Variants in SDK1 observed in about 807,000 individuals in gnomAD.
The protein encoded by SDK1 is protein sidekick-1.
SDK1 carries 157 observed loss-of-function variants against 245.5 expected under a neutral mutation model. The observed-to-expected ratio is 0.64, with a 90% CI of 0.56 to 0.73. The LOEUF (loss-of-function observed/expected upper bound fraction) is 0.73. Ranked by LOEUF, SDK1 falls within the 30% of genes least tolerant of loss-of-function variation. The probability of loss-of-function intolerance (pLI) is 0.00; values close to 1 mark genes in which losing one functional copy is unlikely to be tolerated. For missense variants in SDK1, 3,583 were observed against 3,002.3 expected (o/e 1.19, Z -4.52); for synonymous variants, 1,647 against 1,278.5 (o/e 1.29, Z -6.15).
chr7:4,210,004 C>T (rs764342222), intron 37 of SDK1, 21 bp from the exon 38 acceptor site: 1 of 1,547,160 alleles, frequency 6.5e-7, no homozygotes, highest in Non-Finnish European at 8.7e-7. Context: ...GTAAAAGTCA[C>T]TTTGTGTTCT....
At chr7:3,503,751 G>C (rs192944797) in intron 1 of SDK1, among the ~76,000 whole-genome samples, 2 of 152,042 alleles carry the variant, frequency 1.3e-5, no homozygotes, top group Non-Finnish European at 2.9e-5. Flanking sequence ...ACTTTAAAAA[G>C]TTCAAGACTA....
intron 5 of SDK1, among the ~76,000 whole-genome samples, chr7:3,878,870 A>T (rs967557331): frequency 2.0e-5 from 3 of 152,226 alleles, no homozygotes; most frequent in Non-Finnish European, 4.4e-5. Flanking sequence ...ATGCATACAC[A>T]AAAGTATACA....
chr7:3,852,750 CAAAAA>C (rs35116493), intron 5 of SDK1, among the ~76,000 whole-genome samples: 2 of 28,160 alleles, frequency 7.1e-5, no homozygotes, highest in African/African-American at 2.5e-4. Flanking sequence ...GACTCCGTCT[CAAAAA>C]AAAAAAAAAA....
chr7:3,623,090 A>T (rs1486064513), intron 2 of SDK1, among the ~76,000 whole-genome samples: 1 of 152,058 alleles, frequency 6.6e-6, no homozygotes, highest in Non-Finnish European at 1.5e-5. Context: ...CCTTAACAGG[A>T]CCCTTATTTT....
At chr7:3,946,546 G>A (rs1227707299) in intron 5 of SDK1, among the ~76,000 whole-genome samples, 1 of 152,036 alleles carries the variant, frequency 6.6e-6, no homozygotes, top group East Asian at 1.9e-4. Context: ...CAAACTCTTG[G>A]GCTCAAGAGA....
chr7:4,121,935 A>G (rs2128194595), intron 25 of SDK1, among the ~76,000 whole-genome samples: 1 of 152,310 alleles, frequency 6.6e-6, no homozygotes, highest in Admixed American at 6.5e-5. Flanking sequence ...GTTTCCATCA[A>G]AAATTTTATA....
intron 32 of SDK1, among the ~76,000 whole-genome samples, chr7:4,170,152 G>T (rs1484445965): frequency 6.6e-6 from 1 of 152,170 alleles, no homozygotes; most frequent in Non-Finnish European, 1.5e-5. Flanking sequence ...TACAGAATAA[G>T]GGTTTTAATT....
At position 4,237,631 on chromosome 7, in the gene SDK1, C is replaced by T. The variant is rs774720818; in HGVS notation, c.5993-16C>T. Reference sequence around the variant, plus strand: ...CGTCTGCCCCATGTCATTGTGTGTCCGTGTCTTTTCCACAGCTCAAGTGGA... The same window carrying T: ...CGTCTGCCCCATGTCATTGTGTGTCTGTGTCTTTTCCACAGCTCAAGTGGA... On this transcript the variant is annotated splice_polypyrimidine_tract_variant and intron_variant, in intron 41 of 44. Coordinates refer to ENST00000404826, the MANE Select transcript of SDK1 (RefSeq NM_152744.4). The T allele has an allele frequency of 9.9e-6, 16 of 1,613,922 alleles. No individual in the cohort carries two copies. The highest frequency in any genetic ancestry group is 2.7e-5 in the African/African-American group (2 of 74,904).
chr7:3,485,634 G>A lies in SDK1; in HGVS notation c.299-133446G>A, dbSNP rs1391343384. Reference sequence around the variant, plus strand: ...CTGTTATGAAAATGCTTTCTTGTATGGATAGTTGTTCATTTTGATGTTTGT... The same window carrying A: ...CTGTTATGAAAATGCTTTCTTGTATAGATAGTTGTTCATTTTGATGTTTGT... On this transcript the variant is annotated intron_variant, in intron 1 of 44. Transcript: ENST00000404826. Among the ~76,000 whole-genome samples the A allele has an allele frequency of 1.5e-4, 19 of 123,202 alleles. No individual in the cohort carries two copies. The Admixed American group carries it at 1.7e-3, about 11-fold the overall frequency. 80.8% of individuals were successfully genotyped at this position (123,202 alleles called of 152,430 possible).
chr7:3,836,524 G>T (rs1022449763), intron 5 of SDK1, among the ~76,000 whole-genome samples: 2 of 152,098 alleles, frequency 1.3e-5, no homozygotes, highest in Admixed American at 6.6e-5. Flanking sequence ...AGCTTTGGTT[G>T]GTGGAAACAA....
At chr7:3,430,719 T>C (rs1779818940) in intron 1 of SDK1, among the ~76,000 whole-genome samples, 1 of 152,166 alleles carries the variant, frequency 6.6e-6, no homozygotes, top group Non-Finnish European at 1.5e-5. Context: ...CCGTGGCTTG[T>C]TAGGAATCTA....
At chr7:3,993,920 C>T (rs771401391) in intron 14 of SDK1, among the ~76,000 whole-genome samples, 12 of 152,210 alleles carry the variant, frequency 7.9e-5, no homozygotes, top group Non-Finnish European at 1.5e-4. Context: ...CTCAGCTTCT[C>T]TGCAAGCAAT....
rs1780720897 is a variant in SDK1 at position 3,862,586 on chromosome 7, A to G, written c.847+41003A>G. 2.0e-5 allele frequency among the ~76,000 whole-genome samples: 3 copies of G among 152,190 alleles called. No individual in the cohort carries two copies. The East Asian group carries it at 5.8e-4, about 29-fold the overall frequency. On this transcript the variant is annotated intron_variant, in intron 5 of 44. Transcript: ENST00000404826. ...TGAGTTGGAAAAAGTGGTTATCTGA[A>G]TTATTTGTTAGGCAAAGCTTGAATA... is the stretch of plus-strand genomic sequence containing the variant.
At chr7:4,016,085 T>G (rs1459192905) in intron 16 of SDK1, among the ~76,000 whole-genome samples, 5 of 152,240 alleles carry the variant, frequency 3.3e-5, no homozygotes, top group Admixed American at 3.3e-4. Flanking sequence ...GGTCCACGCG[T>G]GTCTGTCTCA....
intron 41 of SDK1, among the ~76,000 whole-genome samples, chr7:4,237,176 G>A (rs139605915): frequency 5.9e-5 from 9 of 152,230 alleles, no homozygotes; most frequent in Admixed American, 1.3e-4. Context: ...TCAGGCACAC[G>A]CCTCTGTGCC....
intron 1 of SDK1, among the ~76,000 whole-genome samples, chr7:3,551,363 T>C (rs1463282700): frequency 6.6e-6 from 1 of 152,202 alleles, no homozygotes; most frequent in Admixed American, 6.5e-5. Flanking sequence ...TTATACGATA[T>C]GCCAAGATTA....
intron 1 of SDK1, among the ~76,000 whole-genome samples, chr7:3,309,391 A>T (rs1779496419): frequency 6.7e-6 from 1 of 149,654 alleles, no homozygotes; most frequent in Admixed American, 6.7e-5. Flanking sequence ...TTTTCCTTCC[A>T]TGATTCACCA....
intron 38 of SDK1, among the ~76,000 whole-genome samples, chr7:4,218,070 C>T (rs1404810271): frequency 6.6e-6 from 1 of 152,186 alleles, no homozygotes; most frequent in Non-Finnish European, 1.5e-5. Context: ...TGCCCCATTC[C>T]TCTACAGGAA....
At chr7:3,417,060 G>T (rs1779386894) in intron 1 of SDK1, among the ~76,000 whole-genome samples, 1 of 152,142 alleles carries the variant, frequency 6.6e-6, no homozygotes, top group Non-Finnish European at 1.5e-5. Flanking sequence ...TGTAATCCTA[G>T]CTACCGGGAA....
Sources: allele counts gnomAD v4.1 joint callset (sites outside exome capture counted in the v4.1 genomes callset), GRCh38; gene constraint gnomAD v4.1.1; transcripts MANE v1.5; gene names NCBI Gene and HGNC (gene_info 2026-07-23, HGNC 2026-07-21).